The following SMARCA2 variants were observed in gnomAD, a reference collection of about 807,000 sequenced individuals.
The protein encoded by SMARCA2 is SWI/SNF-related matrix-associated actin-dependent regulator of chromatin subfamily A member 2.
A neutral mutation model predicts 199.8 loss-of-function variants in SMARCA2; 61 were observed. The observed-to-expected ratio is 0.31, with a 90% CI of 0.25 to 0.38. The LOEUF (loss-of-function observed/expected upper bound fraction) is 0.38, where lower values mean the gene tolerates loss of function less well. SMARCA2 is among the 10% of genes least tolerant of loss of function. SMARCA2 has a pLI of 1.00. For synonymous variants in SMARCA2, 935 were observed against 732.0 expected, an observed-to-expected ratio of 1.28 and a Z score of -4.48; for missense variants, 1,344 against 2,012.2, an observed-to-expected ratio of 0.67 and a Z score of 6.35.
chr9:2,110,250 T>C lies in SMARCA2; in HGVS notation c.3293-4T>C, dbSNP rs1333737061. 4.4e-6 allele frequency: 7 copies of C among 1,607,720 alleles called. No homozygotes were observed. In the East Asian group the frequency reaches 1.6e-4, roughly 36 times the overall value. ...TGGCAAATTAATTTTTCTGATCCCC[T>C]CAGGCACCACCAAGTCTGAAGATCG... On this transcript the variant is annotated splice_polypyrimidine_tract_variant and splice_region_variant and intron_variant, in intron 23 of 33. Transcript: ENST00000349721. This position sits in a 1 kb window ranked among gnomAD's most constrained non-coding sequence, Gnocchi z 4.8.
intron 32 of SMARCA2, among the ~76,000 whole-genome samples, chr9:2,189,039 G>A (rs1326636833): frequency 6.6e-6 from 1 of 152,114 alleles, no homozygotes; most frequent in Non-Finnish European, 1.5e-5. Flanking sequence ...CACGTTTAAG[G>A]ATGCAGATGA....
Position 2,086,726 on chromosome 9 carries a change from A to G in SMARCA2, c.2527-103A>G. On this transcript the variant is annotated intron_variant, in intron 17 of 33. Coordinates refer to ENST00000349721, the MANE Select transcript of SMARCA2 (RefSeq NM_003070.5). This position sits in a 1 kb window ranked among gnomAD's most constrained non-coding sequence, Gnocchi z 4.3. ...CAAAGGTAATCACAGCATATCATAT[A>G]CCAAGGATGGGTTCTTTGGTTTTCC... 7.7e-7 allele frequency: 1 copy of G among 1,290,814 alleles called. No individual in the cohort carries two copies. Among genetic ancestry groups the G allele is most frequent in the Non-Finnish European group, 1.1e-6 (1 of 913,846 alleles). 80.0% of individuals were successfully genotyped at this position (1,290,814 alleles called of 1,614,324 possible). A position where few individuals can be genotyped will look rare whatever the true frequency, so the allele number is the denominator to read the frequency against.
chr9:2,101,256 G>T (rs1294175511), intron 21 of SMARCA2, among the ~76,000 whole-genome samples: 1 of 151,976 alleles, frequency 6.6e-6, no homozygotes, highest in Non-Finnish European at 1.5e-5. Flanking sequence ...CACCCTAGAG[G>T]GTGGATCTCC....
intron 1 of SMARCA2, among the ~76,000 whole-genome samples, chr9:2,025,441 C>T (rs1274776424): frequency 6.6e-6 from 1 of 152,162 alleles, no homozygotes; most frequent in African/African-American, 2.4e-5. Flanking sequence ...CCCTCCTTCT[C>T]CTAACACAAA....
At chr9:2,184,420 T>C (rs1205063920) in intron 31 of SMARCA2, among the ~76,000 whole-genome samples, 1 of 149,926 alleles carries the variant, frequency 6.7e-6, no homozygotes, top group Admixed American at 6.7e-5. Flanking sequence ...TGGTGCCATC[T>C]CGGCTCGCTG....
chr9:2,032,430 A>G (rs1458486271), intron 2 of SMARCA2: 3 of 152,404 alleles, frequency 2.0e-5, no homozygotes, highest in South Asian at 2.1e-4. Flanking sequence ...CCTTTTCAGT[A>G]TTCACCCCCC....
intron 16 of SMARCA2, 91 bp downstream of exon 16, chr9:2,083,504 T>G (rs1393611984): frequency 1.3e-6 from 1 of 786,224 alleles, no homozygotes; most frequent in Non-Finnish European, 2.1e-6. Context: ...GAACTGTATT[T>G]GGTTGTAAAG....
At chr9:2,191,617 G>C (rs987509249) in intron 33 of SMARCA2, 1 of 443,220 alleles carries the variant, frequency 2.3e-6, no homozygotes, top group African/African-American at 2.0e-5. Context: ...CTTTTTAATA[G>C]TCTTCAAAAA....
chr9:2,161,550 G>A lies in SMARCA2; in HGVS notation c.3982-136G>A, dbSNP rs778603079. ...TTTTCTTCTTCCTCCACTGATTACT[G>A]TTAACTTTTACTTTTTTTTGGTTAA... On this transcript the variant is annotated intron_variant, in intron 27 of 33. Transcript: ENST00000349721. The surrounding 1 kb of genome is among the most constrained non-coding windows in gnomAD (Gnocchi z 4.7). 1 of 637,630 alleles carries A rather than the reference G, an allele frequency of 1.6e-6. No homozygotes were observed. The highest frequency in any genetic ancestry group is 2.7e-6 in the Non-Finnish European group (1 of 368,174). 39.5% of individuals were successfully genotyped at this position (637,630 alleles called of 1,614,324 possible). A position where few individuals can be genotyped will look rare whatever the true frequency, so the allele number is the denominator to read the frequency against.
intron 1 of SMARCA2, among the ~76,000 whole-genome samples, chr9:2,026,815 A>C (rs2130165912): frequency 6.6e-6 from 1 of 152,320 alleles, no homozygotes; most frequent in East Asian, 1.9e-4. Flanking sequence ...TAAAATGCTG[A>C]CTGAACCTGT....
At chr9:2,057,114 A>T (rs538015368) in intron 7 of SMARCA2, among the ~76,000 whole-genome samples, 7 of 152,236 alleles carry the variant, frequency 4.6e-5, no homozygotes, top group Admixed American at 1.3e-4. Flanking sequence ...CTGGGCTGCT[A>T]TAAAAAAATA....
intron 19 of SMARCA2, among the ~76,000 whole-genome samples, chr9:2,094,475 C>T (rs372406342): frequency 6.6e-6 from 1 of 152,158 alleles, no homozygotes; most frequent in Non-Finnish European, 1.5e-5. Flanking sequence ...ATCTGCCTTC[C>T]CCAAATGCAC....
chr9:2,155,620 G>T (rs185160006), intron 27 of SMARCA2, among the ~76,000 whole-genome samples: 1 of 148,896 alleles, frequency 6.7e-6, no homozygotes, highest in African/African-American at 2.4e-5. Flanking sequence ...AACTAAAATA[G>T]TGTATTAATT....
At chr9:2,087,951 C>G (rs1418246618) in intron 18 of SMARCA2, among the ~76,000 whole-genome samples, 1 of 152,150 alleles carries the variant, frequency 6.6e-6, no homozygotes, top group Non-Finnish European at 1.5e-5. Context: ...ATGGACTAAA[C>G]TTGAACTAGA....
In SMARCA2 at chr9:2,161,292, C is replaced by T. The variant is rs1386827152; in HGVS notation, c.3982-394C>T. Among the ~76,000 whole-genome samples the T allele has an allele frequency of 6.6e-6, 1 of 152,100 alleles. No individual in the cohort carries two copies. The highest frequency in any genetic ancestry group is 2.4e-5 in the African/African-American group (1 of 41,414). ...AGGGATTGTTTTTTCATAACCCACCCCTCGTTTTGTTTACCTTTTCCTTCC... is the reference window on the plus strand; with the variant it reads ...AGGGATTGTTTTTTCATAACCCACCTCTCGTTTTGTTTACCTTTTCCTTCC... On this transcript the variant is annotated intron_variant, in intron 27 of 33. Transcript: ENST00000349721. This position sits in a 1 kb window ranked among gnomAD's most constrained non-coding sequence, Gnocchi z 4.7.
In SMARCA2 at chr9:2,187,421, G is replaced by A. The variant is rs575354005; in HGVS notation, c.4594+1193G>A. Among the ~76,000 whole-genome samples, 259 of 152,156 alleles carry A rather than the reference G, an allele frequency of 1.7e-3. 1 individual carries two copies. The highest frequency in any genetic ancestry group is 3.1e-3 in the Non-Finnish European group (210 of 68,004). ...GCATGTTGGCTCACAAATATAATCC[G>A]AGCACTCTGGGAGGCTGAGGCAGAA... On this transcript the variant is annotated intron_variant, in intron 32 of 33. Coordinates refer to ENST00000349721, the MANE Select transcript of SMARCA2 (RefSeq NM_003070.5).
intron 1 of SMARCA2, among the ~76,000 whole-genome samples, chr9:2,018,804 C>T (rs1304712334): frequency 1.3e-5 from 2 of 152,196 alleles, no homozygotes; most frequent in Non-Finnish European, 2.9e-5. Context: ...TACATATTCA[C>T]ATTCAAATAT....
At chr9:2,146,775 G>T (rs1256303323) in intron 27 of SMARCA2, among the ~76,000 whole-genome samples, 1 of 152,062 alleles carries the variant, frequency 6.6e-6, no homozygotes, top group East Asian at 1.9e-4. Context: ...TCCTGATGTT[G>T]CCATGGCATT....
At chr9:2,184,322 T>G (rs1163938536) in intron 31 of SMARCA2, among the ~76,000 whole-genome samples, 7 of 151,564 alleles carry the variant, frequency 4.6e-5, no homozygotes, top group Non-Finnish European at 1.0e-4. Flanking sequence ...CTTCTCAAGA[T>G]GGAAACATCT....
Sources: gnomAD v4.1 joint callset for allele counts (sites outside exome capture counted in the v4.1 genomes callset) on GRCh38, gnomAD v4.1.1 for gene constraint, Gnocchi (gnomAD v3.1) non-coding constraint, MANE v1.5 for transcripts, NCBI Gene and HGNC (gene_info 2026-07-23, HGNC 2026-07-21) for gene names.